XPO7: variants seen among roughly 807,000 people sequenced by gnomAD.
The protein encoded by XPO7 is exportin-7.
A neutral mutation model predicts 144.3 loss-of-function variants in XPO7; 21 were observed. That is an observed-to-expected ratio of 0.15 (90% CI 0.10 to 0.21). The LOEUF is 0.21. XPO7 is among the 10% of genes least tolerant of loss of function. The pLI is 1.00. For synonymous variants in XPO7, 580 were observed against 499.6 expected, an observed-to-expected ratio of 1.16 and a Z score of -2.15; for missense variants, 808 against 1,325.8, an observed-to-expected ratio of 0.61 and a Z score of 6.06.
At chr8:21,939,709 ATAC>A (rs1372683990) in intron 1 of XPO7, among the ~76,000 whole-genome samples, 1 of 152,174 alleles carries the variant, frequency 6.6e-6, no homozygotes, top group Non-Finnish European at 1.5e-5. Flanking sequence ...ACTCTTTTTT[ATAC>A]TACCTAAAAA....
chr8:21,938,334 G>A (rs1023990916), intron 1 of XPO7, among the ~76,000 whole-genome samples: 6 of 151,994 alleles, frequency 3.9e-5, no homozygotes, highest in African/African-American at 1.5e-4. Flanking sequence ...GAATTCATTG[G>A]CTTCCAGTAC....
chr8:21,966,762 CTGAT>C, intron 1 of XPO7, 91 bp from the exon 2 acceptor site: 2 of 1,479,738 alleles, frequency 1.4e-6, no homozygotes, highest in Non-Finnish European at 1.8e-6. Flanking sequence ...TCTTTCTTTA[CTGAT>C]TATTATTTAT....
chr8:21,920,190 C>T (rs1237938024), intron 1 of XPO7, among the ~76,000 whole-genome samples: 3 of 151,476 alleles, frequency 2.0e-5, no homozygotes, highest in Admixed American at 1.3e-4. Flanking sequence ...CCCATGACGC[C>T]CGCCATCCCT....
At chr8:21,933,096 A>ATTTT (rs34592897) in intron 1 of XPO7, among the ~76,000 whole-genome samples, 1 of 110,780 alleles carries the variant, frequency 9.0e-6, no homozygotes, top group Non-Finnish European at 1.8e-5. Context: ...CTTTTGCTGG[A>ATTTT]TTTTTTTTTT....
Position 21,990,813 on chromosome 8 carries a change from C to T in XPO7, c.1935C>T (p.Ser645=), listed in dbSNP as rs755854630. ...ACTTCTTTTCTTTTTTTCAATAGAG[C>T]GAGCACTTTTCATTTTTGGGTATTA... ...AVQFMLNNHT[S]EHFSFLGINN... is the part of the protein sequence containing the mutation. Residue 645 remains serine, a splice_region_variant and synonymous_variant, in exon 18 of 28, where the codon AGC becomes AGT. Transcript: ENST00000252512. 6 of 1,613,508 alleles carry T rather than the reference C, an allele frequency of 3.7e-6. No individual in the cohort carries two copies. Among genetic ancestry groups the T allele is most frequent in the Non-Finnish European group, 4.2e-6 (5 of 1,179,744 alleles).
chr8:21,922,660 A>G (rs765613691), intron 1 of XPO7, among the ~76,000 whole-genome samples: 17 of 152,316 alleles, frequency 1.1e-4, no homozygotes, highest in Non-Finnish European at 2.2e-4. Flanking sequence ...GTTAGTTTTA[A>G]TAGTGCTAGC....
chr8:21,925,615 T>A (rs933974844), intron 1 of XPO7, among the ~76,000 whole-genome samples: 1 of 152,090 alleles, frequency 6.6e-6, no homozygotes, highest in Admixed American at 6.5e-5. Flanking sequence ...ATTAACTGAG[T>A]GTCTGTTATA....
At position 21,919,719 on chromosome 8, in the gene XPO7, A is replaced by T; in HGVS notation, c.-52A>T. 1 of 205,218 alleles carries T rather than the reference A, an allele frequency of 4.9e-6. No individual in the cohort carries two copies. The highest frequency in any genetic ancestry group is 9.5e-6 in the Non-Finnish European group (1 of 105,212). 12.7% of individuals were successfully genotyped at this position (205,218 alleles called of 1,614,324 possible). On this transcript the variant is annotated 5_prime_UTR_variant, in exon 1 of 28. Transcript: ENST00000252512. The stretch of plus-strand genomic sequence containing the variant: ...GCGGCGGCGGCAGCGGCTCCGGCCG[A>T]GGTGCGCGCTGGGGGGGAGGGGGGG...
At chr8:21,921,002 C>A (rs1180934230) in intron 1 of XPO7, among the ~76,000 whole-genome samples, 1 of 152,148 alleles carries the variant, frequency 6.6e-6, no homozygotes, top group Non-Finnish European at 1.5e-5. Context: ...TAAAGTAGAT[C>A]TTCGGAGTGT....
At chr8:21,936,530 C>T (rs11779655) in intron 1 of XPO7, among the ~76,000 whole-genome samples, 86,166 of 152,022 alleles carry the variant, frequency 0.57, 24,918 homozygotes, top group African/African-American at 0.69. Flanking sequence ...CTTCAAATTT[C>T]GTGAAGCCAC....
chr8:21,927,734 G>A (rs754046885), intron 1 of XPO7, among the ~76,000 whole-genome samples: 4 of 151,786 alleles, frequency 2.6e-5, no homozygotes, highest in Non-Finnish European at 4.4e-5. Flanking sequence ...TAGTAGAGAC[G>A]GAGTTTCTCC....
chr8:21,926,204 AG>A (rs1810453927), intron 1 of XPO7, among the ~76,000 whole-genome samples: 1 of 152,242 alleles, frequency 6.6e-6, no homozygotes, highest in Admixed American at 6.5e-5. Context: ...TCTGAAAACA[AG>A]CAGATTATTA....
chr8:22,004,953 C>A, intron 27 of XPO7, 42 bp from the exon 28 acceptor site: 2 of 944,182 alleles, frequency 2.1e-6, no homozygotes, highest in Non-Finnish European at 1.6e-6. Context: ...ATACCTTTCC[C>A]CCCCACTCTC....
chr8:22,004,950 T>TAG, intron 27 of XPO7, 45 bp from the exon 28 acceptor site: 1 of 901,396 alleles, frequency 1.1e-6, no homozygotes, highest in Non-Finnish European at 1.6e-6. Context: ...CAAATACCTT[T>TAG]CCCCCCCACT....
intron 1 of XPO7, among the ~76,000 whole-genome samples, chr8:21,950,014 C>A (rs536519626): frequency 6.6e-6 from 1 of 152,310 alleles, no homozygotes; most frequent in East Asian, 1.9e-4. Context: ...TGTGACACAC[C>A]GTACTGGGCC....
intron 21 of XPO7, among the ~76,000 whole-genome samples, 183 bp downstream of exon 21, chr8:21,995,782 G>A (rs1812927262): frequency 2.0e-5 from 3 of 152,156 alleles, no homozygotes; most frequent in African/African-American, 7.2e-5. Flanking sequence ...CAAAACCATA[G>A]TCAACTGCAG....
chr8:21,954,371 T>A (rs189825949), intron 1 of XPO7, among the ~76,000 whole-genome samples: 25 of 152,280 alleles, frequency 1.6e-4, no homozygotes, highest in African/African-American at 5.5e-4. Flanking sequence ...TGCAGTGGCT[T>A]ACACCTGTAA....
At chr8:21,974,155 T>G (rs1812152731) in intron 5 of XPO7, among the ~76,000 whole-genome samples, 1 of 152,166 alleles carries the variant, frequency 6.6e-6, no homozygotes, top group Admixed American at 6.5e-5. Flanking sequence ...CCTGAGTAGC[T>G]AGGACTTACA....
Position 22,003,972 on chromosome 8 carries a change from T to C in XPO7, c.3112T>C (p.Cys1038Arg), listed in dbSNP as rs577010029. 2 of 1,613,922 alleles carry C rather than the reference T, an allele frequency of 1.2e-6. No individual in the cohort carries two copies. The highest frequency in any genetic ancestry group is 1.7e-6 in the Non-Finnish European group (2 of 1,179,874). ...GGAGAAGCAGCAGGCCATGCACCTGTGTTTTGAGAACCTGATGGAAGGCAT... is the reference window on the plus strand; with the variant it reads ...GGAGAAGCAGCAGGCCATGCACCTGCGTTTTGAGAACCTGATGGAAGGCAT... The part of the protein sequence containing the change: ...PPEKQQAMHL[C>R]FENLMEGIER... Residue 1038 changes from cysteine to arginine, a missense_variant, in exon 27 of 28, where the codon TGT becomes CGT. Physicochemically the swap from Cys to Arg is radical, Grantham distance 180. Transcript: ENST00000252512.
Sources: allele counts gnomAD v4.1 joint callset (sites outside exome capture counted in the v4.1 genomes callset), GRCh38; gene constraint gnomAD v4.1.1; transcripts MANE v1.5; gene names NCBI Gene and HGNC (gene_info 2026-07-23, HGNC 2026-07-21).